MYH14: variants seen among roughly 807,000 people sequenced by gnomAD.
The protein encoded by MYH14 is myosin heavy chain 14, also known as myosin-14.
In MYH14, 123 loss-of-function variants were observed where a neutral mutation model predicts 255.5. The ratio of observed to expected loss-of-function variants is 0.48; its 90% CI spans 0.42 to 0.56. The LOEUF (loss-of-function observed/expected upper bound fraction) is 0.56, where lower values mean the gene tolerates loss of function less well. Among genes scored for constraint, MYH14 ranks in the 20% least tolerant of loss-of-function variants. The pLI is 0.00. For missense variants in MYH14, 2,423 were observed against 2,802.3 expected, an observed-to-expected ratio of 0.86 and a Z score of 3.06; for synonymous variants, 1,095 against 1,161.2, an observed-to-expected ratio of 0.94 and a Z score of 1.16.
At chr19:50,286,218 C>A in intron 33 of MYH14, 2 of 347,622 alleles carry the variant, frequency 5.8e-6, no homozygotes, top group African/African-American at 2.1e-5. Context: ...TGTATTTTTT[C>A]TACTGCCACT....
At chr19:50,254,088 A>G (rs887583996) in intron 16 of MYH14, among the ~76,000 whole-genome samples, 5 of 152,048 alleles carry the variant, frequency 3.3e-5, no homozygotes, top group African/African-American at 1.2e-4. Flanking sequence ...GTGGTGGCAC[A>G]TGCCTGTAAT....
intron 9 of MYH14, among the ~76,000 whole-genome samples, chr19:50,231,168 C>T (rs774418371): frequency 8.5e-5 from 13 of 152,262 alleles, no homozygotes; most frequent in Non-Finnish European, 1.0e-4. Context: ...CCTGTAGCTC[C>T]CTCTGCTCCT....
chr19:50,227,669 G>A (rs1039349187), intron 8 of MYH14, among the ~76,000 whole-genome samples: 1 of 152,132 alleles, frequency 6.6e-6, no homozygotes, highest in Admixed American at 6.5e-5. Flanking sequence ...ATCTCAGGAC[G>A]GCTGTTTTCT....
chr19:50,279,887 T>C (rs2035646948), intron 30 of MYH14, 150 bp from the exon 31 acceptor site: 1 of 697,742 alleles, frequency 1.4e-6, no homozygotes, highest in Non-Finnish European at 2.6e-6. Flanking sequence ...GTGGGAACCC[T>C]ATGTTTAAGC....
intron 33 of MYH14, among the ~76,000 whole-genome samples, chr19:50,284,102 AC>A (rs1453447086): frequency 1.3e-5 from 2 of 151,488 alleles, no homozygotes; most frequent in African/African-American, 4.9e-5. Flanking sequence ...CAAAAAAAAA[AC>A]AAAAAAAAAG....
chr19:50,267,112 G>A, intron 23 of MYH14, 104 bp downstream of exon 23: 3 of 1,188,018 alleles, frequency 2.5e-6, no homozygotes, highest in Non-Finnish European at 3.5e-6. Flanking sequence ...GAGCCAGCCT[G>A]TGCCCAGGCA....
chr19:50,295,833 C>T (rs1204351098), intron 39 of MYH14, among the ~76,000 whole-genome samples: 4 of 151,864 alleles, frequency 2.6e-5, no homozygotes, highest in Non-Finnish European at 5.9e-5. Flanking sequence ...ATAGTTTAAG[C>T]CAGGCGCAGT....
rs188682445 is a variant in MYH14 at position 50,280,358 on chromosome 19, G to A, written c.4265G>A (p.Arg1422His). 13 of 1,545,126 alleles carry A rather than the reference G, an allele frequency of 8.4e-6. No individual in the cohort carries two copies. In the East Asian group the frequency reaches 9.8e-5, roughly 12 times the overall value. The change falls in exon 32 of 43, where the codon CGT becomes CAT. Residue 1422 changes from arginine (R) to histidine (H), a missense_variant. By Grantham distance (29) the Arg-to-His change is conservative. Transcript: ENST00000642316. The surrounding 1 kb of genome is among the most constrained non-coding windows in gnomAD (Gnocchi z 4.8). The stretch of plus-strand genomic sequence containing the variant: ...GCAGCTGCCAGGGAACGGGCGGGCC[G>A]TGAACTGCAGACTGCCCAGGCCCAG... ...EEAAARERAG[R>H]ELQTAQAQLS...
intron 23 of MYH14, 109 bp downstream of exon 23, chr19:50,267,117 C>T: frequency 9.2e-7 from 1 of 1,091,762 alleles, no homozygotes; most frequent in South Asian, 1.5e-5. Context: ...AGCCTGTGCC[C>T]AGGCAGGGCT....
Position 50,289,544 on chromosome 19 carries a change from C to T in MYH14, c.4861C>T (p.Leu1621=), listed in dbSNP as rs367799997. 35 of 1,612,912 alleles carry T rather than the reference C, an allele frequency of 2.2e-5. No homozygotes were observed. The highest frequency in any genetic ancestry group is 2.7e-5 in the Non-Finnish European group (32 of 1,179,602). ...DELTAAEDAK[L]RLEVTVQALK... ...GCTGACAGCGGCCGAGGATGCCAAG[C>T]TGCGTCTGGAGGTGACTGTGCAGGC... Residue 1621 remains leucine, a synonymous_variant, in exon 35 of 43, where the codon CTG becomes TTG. Transcript: ENST00000642316.
rs571500273 is a variant in MYH14 at position 50,222,792 on chromosome 19, C to G, written c.563-291C>G. ...TGAGGCAGCACACAGTAGGGTCTCACGTTGAGGTCGTTGAATGAATCATAT... is the reference window on the plus strand; with the variant it reads ...TGAGGCAGCACACAGTAGGGTCTCAGGTTGAGGTCGTTGAATGAATCATAT... On this transcript the variant is annotated intron_variant, in intron 3 of 42. Coordinates refer to ENST00000642316, the MANE Select transcript of MYH14 (RefSeq NM_001145809.2). 8.5e-5 allele frequency among the ~76,000 whole-genome samples: 13 copies of G among 152,242 alleles called. No individual in the cohort carries two copies. The South Asian group carries it at 2.5e-3, about 29-fold the overall frequency.
At chr19:50,267,148 G>A (rs1379615800) in intron 23 of MYH14, 140 bp downstream of exon 23, 2 of 866,184 alleles carry the variant, frequency 2.3e-6, no homozygotes, top group African/African-American at 3.4e-5. Flanking sequence ...TGGGAGCAAA[G>A]CTAAGGTGTA....
At chr19:50,212,795 G>A (rs1365284879) in intron 2 of MYH14, among the ~76,000 whole-genome samples, 1 of 152,106 alleles carries the variant, frequency 6.6e-6, no homozygotes, top group Non-Finnish European at 1.5e-5. Context: ...CATGGGGTTG[G>A]TGTCTTCTCC....
In MYH14 at chr19:50,261,624, C is replaced by A; in HGVS notation, c.2574C>A (p.Tyr858Ter). The change falls in exon 21 of 43, where the codon TAC (tyrosine) becomes TAA (stop). Residue 858 changes from tyrosine (Y) to a stop codon, truncating the protein, a stop_gained. Transcript: ENST00000642316. LOFTEE classifies it high-confidence loss of function. ...IVSFQAAARG[Y>*]LARRAFQKRQ... ...CCTTCCAGGCAGCTGCCCGGGGATA[C>A]CTGGCTCGCAGGTGGGCAGCCACGC... 1 of 1,597,208 alleles carries A rather than the reference C, an allele frequency of 6.3e-7. No individual in the cohort carries two copies. The highest frequency in any genetic ancestry group is 8.5e-7 in the Non-Finnish European group (1 of 1,173,068).
chr19:50,256,620 C>T (rs2034601217), intron 17 of MYH14, among the ~76,000 whole-genome samples: 1 of 152,170 alleles, frequency 6.6e-6, no homozygotes, highest in African/African-American at 2.4e-5. Context: ...GTGATCCACC[C>T]GCCTTGGCCT....
chr19:50,243,957 G>A (rs1372667893), intron 10 of MYH14, among the ~76,000 whole-genome samples: 1 of 151,830 alleles, frequency 6.6e-6, no homozygotes, highest in Non-Finnish European at 1.5e-5. Flanking sequence ...TTCAAGGCCT[G>A]CCCAGTGTCA....
In MYH14 at chr19:50,217,787, G is replaced by A. The variant is rs1413941011; in HGVS notation, c.562+16G>A. ...ATGCTGCAGGGTGAGTGCTGGGTGG[G>A]GCTGTAGGCCAGCGAGGCGGCTCTT... On this transcript the variant is annotated intron_variant, in intron 3 of 42. Transcript: ENST00000642316. 2 of 1,609,826 alleles carry A rather than the reference G, an allele frequency of 1.2e-6. No individual in the cohort carries two copies. The highest frequency in any genetic ancestry group is 1.7e-6 in the Non-Finnish European group (2 of 1,177,654).
At position 50,226,984 on chromosome 19, in the gene MYH14, A is replaced by G; in HGVS notation, c.874+18A>G. ...TGAGACCTGTATCCTCTCACAGCCC[A>G]TGGGGGTGGCAGCCAAGGGGGGCAG... On this transcript the variant is annotated intron_variant, in intron 8 of 42. Coordinates refer to ENST00000642316, the MANE Select transcript of MYH14 (RefSeq NM_001145809.2). The G allele has an allele frequency of 6.2e-7, 1 of 1,613,262 alleles. No individual in the cohort carries two copies. Among genetic ancestry groups the G allele is most frequent in the Non-Finnish European group, 8.5e-7 (1 of 1,179,460 alleles).
At chr19:50,222,517 C>T (rs181155517) in intron 3 of MYH14, among the ~76,000 whole-genome samples, 2 of 147,606 alleles carry the variant, frequency 1.4e-5, no homozygotes, top group East Asian at 4.0e-4. Context: ...CTGCTTTATT[C>T]TAGTACTGAT....
Sources: gnomAD v4.1 joint callset for allele counts (sites outside exome capture counted in the v4.1 genomes callset) on GRCh38, gnomAD v4.1.1 for gene constraint, Gnocchi (gnomAD v3.1) non-coding constraint, MANE v1.5 for transcripts, NCBI Gene and HGNC (gene_info 2026-07-23, HGNC 2026-07-21) for gene names.